The following PCDHA8 variants were observed in gnomAD, a reference collection of about 807,000 sequenced individuals.
PCDHA8 encodes protocadherin alpha-8.
A neutral mutation model predicts 61.8 loss-of-function variants in PCDHA8; 53 were observed. The observed-to-expected ratio is 0.86, with a 90% CI of 0.69 to 1.08. The LOEUF is 1.08. Among genes scored for constraint, PCDHA8 ranks in the 50% least tolerant of loss-of-function variants. The probability of loss-of-function intolerance (pLI) is 0.00; values close to 1 mark genes in which losing one functional copy is unlikely to be tolerated. For missense variants in PCDHA8, 1,293 were observed against 1,245.0 expected, an observed-to-expected ratio of 1.04 and a Z score of -0.58; for synonymous variants, 618 against 556.6, an observed-to-expected ratio of 1.11 and a Z score of -1.55.
chr5:140,850,216 A>C lies in PCDHA8; in HGVS notation c.2394+6501A>C. 5 of 1,593,446 alleles carry C rather than the reference A, an allele frequency of 3.1e-6. No individual in the cohort carries two copies. The East Asian group carries it at 1.1e-4, about 36-fold the overall frequency. ...CTGACACCTCGGATGAGGGGCACTG[A>C]CGGCGCAGTGAGCGAGATGGTGCTG... On this transcript the variant is annotated intron_variant, in intron 1 of 3. Transcript: ENST00000531613.
rs1554231789 is a variant in PCDHA8 at position 140,969,430 on chromosome 5, A to G, written c.2395-9519A>G. ...CTTTATTGAGTCATTAACAGTGACAAGAGTTATCTGGTAAACTGAGTATAT... is the reference window on the plus strand; with the variant it reads ...CTTTATTGAGTCATTAACAGTGACAGGAGTTATCTGGTAAACTGAGTATAT... On this transcript the variant is annotated intron_variant, in intron 1 of 3. Transcript: ENST00000531613. The G allele has an allele frequency of 1.2e-5, 19 of 1,554,588 alleles. 1 individual carries two copies. The Admixed American group carries it at 3.5e-4, about 29-fold the overall frequency.
chr5:140,966,932 G>T, intron 1 of PCDHA8: 2 of 1,603,726 alleles, frequency 1.2e-6, no homozygotes, highest in Non-Finnish European at 1.7e-6. Context: ...GGCACCCGGC[G>T]CGCTCGTGGG....
At chr5:140,940,080 T>C (rs1213223425) in intron 1 of PCDHA8, among the ~76,000 whole-genome samples, 3 of 152,248 alleles carry the variant, frequency 2.0e-5, no homozygotes, top group African/African-American at 7.2e-5. Flanking sequence ...GATATCTTTC[T>C]GCTAAATTGA....
chr5:140,877,457 C>T lies in PCDHA8; in HGVS notation c.2394+33742C>T, dbSNP rs73263833. On this transcript the variant is annotated intron_variant, in intron 1 of 3. Coordinates refer to ENST00000531613, the MANE Select transcript of PCDHA8 (RefSeq NM_018911.3). ...CACGGTGAGCCCGCGCTGACGTCCACGGCCACGGTGCTGGTGTCGCTGGTG... is the reference window on the plus strand; with the variant it reads ...CACGGTGAGCCCGCGCTGACGTCCATGGCCACGGTGCTGGTGTCGCTGGTG... 1.0e-3 allele frequency: 1,615 copies of T among 1,613,806 alleles called. 8 individuals carry two copies. The African/African-American group carries it at 0.018, about 18-fold the overall frequency.
At chr5:140,916,978 C>T (rs907014572) in intron 1 of PCDHA8, among the ~76,000 whole-genome samples, 13 of 152,270 alleles carry the variant, frequency 8.5e-5, no homozygotes, top group South Asian at 2.1e-4. Context: ...ATGAGTGATT[C>T]GCCTCTGGCC....
chr5:140,887,672 T>G (rs2061538471), intron 1 of PCDHA8, among the ~76,000 whole-genome samples: 1 of 152,180 alleles, frequency 6.6e-6, no homozygotes, highest in Admixed American at 6.5e-5. Flanking sequence ...GGATTTATCA[T>G]TTTCATCAAA....
chr5:140,896,453 C>T (rs782013950), intron 1 of PCDHA8, among the ~76,000 whole-genome samples: 3 of 152,106 alleles, frequency 2.0e-5, no homozygotes, highest in Non-Finnish European at 2.9e-5. Context: ...ACCTCCACCT[C>T]CTGGGTTCAA....
intron 1 of PCDHA8, among the ~76,000 whole-genome samples, chr5:140,894,207 A>G (rs962841413): frequency 3.9e-5 from 6 of 152,012 alleles, no homozygotes; most frequent in African/African-American, 1.4e-4. Flanking sequence ...ATGCTATTAT[A>G]TTCTCATTTT....
chr5:140,926,414 A>C, intron 1 of PCDHA8: 1 of 152,834 alleles, frequency 6.5e-6, no homozygotes, highest in Non-Finnish European at 1.5e-5. Context: ...ATCTGCGGGC[A>C]GAGGATGTGG....
chr5:140,941,373 G>A (rs576282436), intron 1 of PCDHA8, among the ~76,000 whole-genome samples: 2 of 134,082 alleles, frequency 1.5e-5, no homozygotes, highest in South Asian at 5.1e-4. Flanking sequence ...CTGGAGTGTA[G>A]TGACAGGATT....
chr5:140,995,466 T>A (rs1325738929), intron 3 of PCDHA8, among the ~76,000 whole-genome samples: 1 of 152,196 alleles, frequency 6.6e-6, no homozygotes, highest in Non-Finnish European at 1.5e-5. Flanking sequence ...ATTTTTGAAA[T>A]TTTTCATTTA....
At chr5:140,967,783 C>T (rs1554229939) in intron 1 of PCDHA8, 1 of 1,614,186 alleles carries the variant, frequency 6.2e-7, no homozygotes, top group Admixed American at 1.7e-5. Flanking sequence ...AGGCGACTGA[C>T]CGGGGTCCAG....
intron 1 of PCDHA8, chr5:140,857,440 G>A (rs2044596243): frequency 6.3e-7 from 1 of 1,598,588 alleles, no homozygotes; most frequent in Non-Finnish European, 8.6e-7. Context: ...TGTTCGTGAA[G>A]GAGAACAACC....
At chr5:140,853,171 G>T (rs2150529478) in intron 1 of PCDHA8, 1 of 965,252 alleles carries the variant, frequency 1.0e-6, no homozygotes, top group Non-Finnish European at 1.3e-6. Flanking sequence ...GAGCCACCGC[G>T]CCTGGCCTAA....
chr5:141,000,734 T>A (rs1221425075), intron 3 of PCDHA8, among the ~76,000 whole-genome samples: 4 of 150,588 alleles, frequency 2.7e-5, no homozygotes, highest in Non-Finnish European at 4.4e-5. Flanking sequence ...GGCCCCTATC[T>A]CTGTATATTA....
chr5:140,967,503 G>A (rs369053625), intron 1 of PCDHA8: 14 of 1,612,820 alleles, frequency 8.7e-6, no homozygotes, highest in African/African-American at 2.7e-5. Flanking sequence ...ATCTCTGTGC[G>A]TGTCCTGGAC....
chr5:140,951,237 T>G (rs1405165070), intron 1 of PCDHA8, among the ~76,000 whole-genome samples: 2 of 152,200 alleles, frequency 1.3e-5, no homozygotes, highest in African/African-American at 4.8e-5. Flanking sequence ...GTCTTTACCT[T>G]TAGGAATGCA....
chr5:140,884,059 G>A, intron 1 of PCDHA8: 4 of 1,613,546 alleles, frequency 2.5e-6, no homozygotes, highest in Non-Finnish European at 3.4e-6. Context: ...TGCGCGCGGT[G>A]GACGCCGATT....
intron 1 of PCDHA8, among the ~76,000 whole-genome samples, chr5:140,923,218 TCG>T (rs1584297306): frequency 7.4e-6 from 1 of 135,282 alleles, no homozygotes; most frequent in Non-Finnish European, 1.7e-5. Flanking sequence ...GGTGAAAGGA[TCG>T]TTTGAGCCCA....
Sources: allele counts gnomAD v4.1 joint callset (sites outside exome capture counted in the v4.1 genomes callset), GRCh38; gene constraint gnomAD v4.1.1; transcripts MANE v1.5; gene names NCBI Gene and HGNC (gene_info 2026-07-23, HGNC 2026-07-21).